FBXL17: variants seen among roughly 807,000 people sequenced by gnomAD.
FBXL17 encodes F-box and leucine rich repeat protein 17, also known as F-box/LRR-repeat protein 17.
FBXL17 carries 22 observed loss-of-function variants against 66.2 expected under a neutral mutation model. The ratio of observed to expected loss-of-function variants is 0.33; its 90% CI spans 0.24 to 0.47. The LOEUF is 0.47. FBXL17 is among the 20% of genes least tolerant of loss of function. The pLI is 1.00. For synonymous variants in FBXL17, 474 were observed against 400.5 expected, an observed-to-expected ratio of 1.18 and a Z score of -2.19; for missense variants, 878 against 948.2, an observed-to-expected ratio of 0.93 and a Z score of 0.97.
chr5:108,039,927 T>C (rs911417782), intron 6 of FBXL17, among the ~76,000 whole-genome samples: 1 of 152,182 alleles, frequency 6.6e-6, no homozygotes. Flanking sequence ...CATTTTAAAA[T>C]GATATCGTTT....
chr5:107,949,439 T>C (rs1341805722), intron 7 of FBXL17, among the ~76,000 whole-genome samples: 1 of 152,188 alleles, frequency 6.6e-6, no homozygotes, highest in African/African-American at 2.4e-5. Context: ...AGACAAGATA[T>C]TTCAAATATT....
chr5:108,153,954 T>C (rs1751866759), intron 6 of FBXL17, among the ~76,000 whole-genome samples: 1 of 152,146 alleles, frequency 6.6e-6, no homozygotes, highest in Non-Finnish European at 1.5e-5. Context: ...GCAGGAAGTG[T>C]TTCTTTCTTG....
chr5:107,939,162 G>C (rs1751010327), intron 7 of FBXL17, among the ~76,000 whole-genome samples: 1 of 152,060 alleles, frequency 6.6e-6, no homozygotes, highest in African/African-American at 2.4e-5. Context: ...GAATACATAT[G>C]ATGTGCCAGG....
intron 4 of FBXL17, among the ~76,000 whole-genome samples, chr5:108,322,459 T>C (rs924106831): frequency 6.6e-6 from 1 of 151,976 alleles, no homozygotes; most frequent in Non-Finnish European, 1.5e-5. Flanking sequence ...GTAAATATCA[T>C]CCTGTTCTTT....
intron 4 of FBXL17, among the ~76,000 whole-genome samples, chr5:108,317,315 GTTTTGTTTTTTGTT>G (rs944571352): frequency 6.0e-5 from 9 of 149,654 alleles, no homozygotes; most frequent in African/African-American, 2.2e-4. Flanking sequence ...AAATTACTGA[GTTTTGTTTTTTGTT>G]TTTTGTTTTT....
chr5:107,865,203 C>T (rs1249266011), intron 8 of FBXL17, among the ~76,000 whole-genome samples: 4 of 152,150 alleles, frequency 2.6e-5, no homozygotes, highest in Non-Finnish European at 5.9e-5. Flanking sequence ...CAGGTTTGTA[C>T]AGAGTTTTGT....
intron 4 of FBXL17, among the ~76,000 whole-genome samples, chr5:108,271,478 A>G (rs924693775): frequency 6.6e-6 from 1 of 152,214 alleles, no homozygotes; most frequent in Non-Finnish European, 1.5e-5. Flanking sequence ...TCATTACAAT[A>G]CAGACTCAAA....
chr5:108,161,189 CAT>C (rs1752202570), intron 6 of FBXL17, among the ~76,000 whole-genome samples: 1 of 151,858 alleles, frequency 6.6e-6, no homozygotes, highest in East Asian at 1.9e-4. Context: ...TACATACATA[CAT>C]ACATACCCCA....
intron 6 of FBXL17, among the ~76,000 whole-genome samples, chr5:108,094,254 G>T (rs991539035): frequency 1.3e-5 from 2 of 152,038 alleles, no homozygotes; most frequent in African/African-American, 4.8e-5. Flanking sequence ...TAGAACATGA[G>T]GGAAAAGCTC....
intron 4 of FBXL17, among the ~76,000 whole-genome samples, chr5:108,241,674 G>C (rs1755860749): frequency 6.6e-6 from 1 of 151,988 alleles, no homozygotes; most frequent in South Asian, 2.1e-4. Flanking sequence ...ACCCAAAGAA[G>C]AAAGACTACC....
chr5:108,069,416 T>C (rs1748246819), intron 6 of FBXL17, among the ~76,000 whole-genome samples: 1 of 152,208 alleles, frequency 6.6e-6, no homozygotes, highest in Non-Finnish European at 1.5e-5. Context: ...ATATGGAATA[T>C]GAGTGCTATC....
chr5:108,243,708 A>G (rs1362655777), intron 4 of FBXL17, among the ~76,000 whole-genome samples: 1 of 152,196 alleles, frequency 6.6e-6, no homozygotes, highest in Non-Finnish European at 1.5e-5. Context: ...ATACGGTTAA[A>G]GACTAAAAAA....
intron 5 of FBXL17, among the ~76,000 whole-genome samples, chr5:108,210,212 T>C (rs966733375): frequency 1.3e-5 from 2 of 152,204 alleles, no homozygotes; most frequent in African/African-American, 4.8e-5. Context: ...TTTTTCTTTA[T>C]TATTCTGGCT....
intron 6 of FBXL17, among the ~76,000 whole-genome samples, chr5:108,133,612 T>C (rs1164723758): frequency 6.6e-6 from 1 of 151,408 alleles, no homozygotes; most frequent in Non-Finnish European, 1.5e-5. Context: ...AGAGATCTGC[T>C]GGAAGAGAGA....
intron 5 of FBXL17, among the ~76,000 whole-genome samples, chr5:108,214,660 G>A (rs562028174): frequency 1.6e-4 from 24 of 151,814 alleles, no homozygotes; most frequent in Non-Finnish European, 2.8e-4. Flanking sequence ...ACGAGCCACC[G>A]CACCTGGCCC....
intron 7 of FBXL17, among the ~76,000 whole-genome samples, chr5:107,925,419 C>T (rs1305874774): frequency 1.3e-5 from 2 of 152,242 alleles, no homozygotes; most frequent in East Asian, 3.9e-4. Context: ...ATTCCTTCAA[C>T]GATCACTGTT....
chr5:108,096,418 T>A (rs1415691307), intron 6 of FBXL17, among the ~76,000 whole-genome samples: 1 of 152,094 alleles, frequency 6.6e-6, no homozygotes, highest in Non-Finnish European at 1.5e-5. Flanking sequence ...TTGGTGGCAG[T>A]TCAAAATCAA....
chr5:107,921,268 C>A (rs758400862), intron 7 of FBXL17, among the ~76,000 whole-genome samples: 2 of 152,092 alleles, frequency 1.3e-5, no homozygotes, highest in Non-Finnish European at 2.9e-5. Flanking sequence ...TAATGTAGTC[C>A]CTGAGGCTTC....
intron 4 of FBXL17, among the ~76,000 whole-genome samples, chr5:108,241,218 T>C (rs1472557091): frequency 1.3e-5 from 2 of 152,182 alleles, no homozygotes; most frequent in South Asian, 2.1e-4. Context: ...GAATTCAAAA[T>C]AGCTGTTCTG....
Sources: allele counts gnomAD v4.1 joint callset (sites outside exome capture counted in the v4.1 genomes callset), GRCh38; gene constraint gnomAD v4.1.1; transcripts MANE v1.5; gene names NCBI Gene and HGNC (gene_info 2026-07-23, HGNC 2026-07-21).